BMP6: variants seen among roughly 807,000 people sequenced by gnomAD.
BMP6 encodes the protein VG-1-R.
A neutral mutation model predicts 54.1 loss-of-function variants in BMP6; 17 were observed. That is an observed-to-expected ratio of 0.31 (90% CI 0.22 to 0.47). The LOEUF is 0.47. BMP6 is among the 20% of genes least tolerant of loss of function. BMP6 has a pLI of 1.00. For synonymous variants in BMP6, 328 were observed against 291.2 expected (o/e 1.13, Z -1.28); for missense variants, 720 against 690.4 (o/e 1.04, Z -0.48).
At chr6:7,863,404 A>T (rs1200194455) in intron 4 of BMP6, among the ~76,000 whole-genome samples, 1 of 152,168 alleles carries the variant, frequency 6.6e-6, no homozygotes, top group Non-Finnish European at 1.5e-5. Flanking sequence ...AATTCTTAGT[A>T]AAACTATCTC....
Position 7,727,136 on chromosome 6 carries a change from C to G in BMP6, c.181C>G (p.Gln61Glu). ...GRTEQPPPSP[Q>E]SSSGFLYRRL... ...CACGGAGCAGCCGCCGCCGTCGCCG[C>G]AGTCCTCCTCGGGCTTCCTGTACCG... is the stretch of plus-strand genomic sequence containing the variant. Residue 61 changes from glutamine to glutamate, a missense_variant, in exon 1 of 7, where the codon CAG (glutamine) becomes GAG (glutamate). Physicochemically the swap from Gln to Glu is conservative, Grantham distance 29 (BLOSUM62 2). This residue lies in a region of BMP6 where 650 missense variants were observed against 556.3 expected (regional missense o/e 1.17). Coordinates refer to ENST00000283147, the MANE Select transcript of BMP6 (RefSeq NM_001718.6). The G allele has an allele frequency of 6.4e-7, 1 of 1,554,178 alleles. No homozygotes were observed. The highest frequency in any genetic ancestry group is 8.7e-7 in the Non-Finnish European group (1 of 1,152,852).
At chr6:7,837,490 G>A (rs954753168) in intron 1 of BMP6, among the ~76,000 whole-genome samples, 24 of 152,258 alleles carry the variant, frequency 1.6e-4, no homozygotes, top group African/African-American at 4.8e-4. Flanking sequence ...GTAATAGTTC[G>A]CTGCAACCTG....
intron 1 of BMP6, among the ~76,000 whole-genome samples, chr6:7,777,303 G>A (rs544366628): frequency 1.3e-5 from 2 of 152,206 alleles, no homozygotes; most frequent in South Asian, 2.1e-4. Flanking sequence ...CTTAACAGAC[G>A]TGCACATTCA....
chr6:7,855,028 C>T lies in BMP6; in HGVS notation c.858-6423C>T, dbSNP rs183014481. Reference sequence around the variant, plus strand: ...TCTAATAACACTGATACTTTGGACTCGATCTCACCTGCAGTTCTGTTTATT... The same window carrying T: ...TCTAATAACACTGATACTTTGGACTTGATCTCACCTGCAGTTCTGTTTATT... On this transcript the variant is annotated intron_variant, in intron 2 of 6. Transcript: ENST00000283147. 2.0e-4 allele frequency among the ~76,000 whole-genome samples: 31 copies of T among 152,264 alleles called. 1 individual carries two copies. Among genetic ancestry groups the T allele is most frequent in the East Asian group, 1.4e-3 (7 of 5,182 alleles).
At chr6:7,768,618 T>C (rs145058013) in intron 1 of BMP6, among the ~76,000 whole-genome samples, 1,542 of 152,216 alleles carry the variant, frequency 0.01, 19 homozygotes, top group African/African-American at 0.035. Context: ...TTCTTATTTT[T>C]GCCCCGTTCT....
At chr6:7,808,204 G>A (rs1007417828) in intron 1 of BMP6, among the ~76,000 whole-genome samples, 2 of 152,194 alleles carry the variant, frequency 1.3e-5, no homozygotes, top group African/African-American at 2.4e-5. Context: ...ACAGGCGTGA[G>A]CCACCGCGCC....
chr6:7,822,999 G>A (rs960547927), intron 1 of BMP6, among the ~76,000 whole-genome samples: 2 of 151,532 alleles, frequency 1.3e-5, no homozygotes, highest in Admixed American at 1.3e-4. Context: ...CGAAGTTTCC[G>A]AATATAGAAT....
chr6:7,847,558 G>A (rs1440643995), intron 2 of BMP6, among the ~76,000 whole-genome samples: 1 of 152,196 alleles, frequency 6.6e-6, no homozygotes, highest in African/African-American at 2.4e-5. Flanking sequence ...GAAATTTGTA[G>A]TAGTTGATGG....
intron 1 of BMP6, among the ~76,000 whole-genome samples, chr6:7,822,896 GTTGTGTGTGT>G (rs1404423578): frequency 1.4e-3 from 122 of 85,670 alleles, no homozygotes; most frequent in African/African-American, 8.2e-3. Context: ...ATTGGTGCTG[GTTGTGTGTGT>G]GTGTGTGTGT....
chr6:7,844,256 A>T (rs1378938652), intron 1 of BMP6, among the ~76,000 whole-genome samples: 1 of 152,188 alleles, frequency 6.6e-6, no homozygotes, highest in Non-Finnish European at 1.5e-5. Flanking sequence ...GCATTTATGC[A>T]CATACCACGT....
At position 7,727,238 on chromosome 6, in the gene BMP6, C is replaced by T. The variant is rs199518216; in HGVS notation, c.283C>T (p.Pro95Ser). The change falls in exon 1 of 7, where the codon CCC (proline) becomes TCC (serine). Residue 95 changes from proline to serine, a missense_variant. By Grantham distance (74) the Pro-to-Ser change is moderately conservative. Transcript: ENST00000283147. ...GCTGGGGCTCCCGCACCGGCCCCGG[C>T]CCCTGCACGGCCTCCAACAGCCGCA... ...SVLGLPHRPR[P>S]LHGLQQPQPP... The T allele has an allele frequency of 3.3e-4, 526 of 1,606,518 alleles. 1 individual carries two copies. Among genetic ancestry groups the T allele is most frequent in the Middle Eastern group, 6.7e-4 (4 of 6,000 alleles).
At chr6:7,876,668 C>G (rs762868267) in intron 4 of BMP6, among the ~76,000 whole-genome samples, 1 of 152,142 alleles carries the variant, frequency 6.6e-6, no homozygotes, top group Non-Finnish European at 1.5e-5. Flanking sequence ...TCTGTTTAAT[C>G]TGTTAATTAG....
At chr6:7,778,319 C>T (rs945283968) in intron 1 of BMP6, among the ~76,000 whole-genome samples, 4 of 152,212 alleles carry the variant, frequency 2.6e-5, no homozygotes, top group Admixed American at 1.3e-4. Context: ...TTCCAAACAT[C>T]GTACTCTGTT....
intron 1 of BMP6, among the ~76,000 whole-genome samples, chr6:7,735,590 T>G (rs970731387): frequency 9.4e-5 from 14 of 149,280 alleles, no homozygotes; most frequent in African/African-American, 2.0e-4. Flanking sequence ...AAAGAGAGGG[T>G]TTTTTTTTAA....
intron 2 of BMP6, among the ~76,000 whole-genome samples, chr6:7,859,875 T>C (rs1167950884): frequency 1.7e-4 from 26 of 151,982 alleles, no homozygotes; most frequent in Admixed American, 1.7e-3. Context: ...AAGACGACAA[T>C]AGAGTTCCCT....
intron 4 of BMP6, among the ~76,000 whole-genome samples, chr6:7,865,474 C>T (rs1055465611): frequency 1.3e-5 from 2 of 152,172 alleles, no homozygotes; most frequent in African/African-American, 4.8e-5. Flanking sequence ...ATGTCTGGCC[C>T]ACTGAAGCGC....
At chr6:7,775,845 A>G (rs923238101) in intron 1 of BMP6, among the ~76,000 whole-genome samples, 2 of 152,208 alleles carry the variant, frequency 1.3e-5, no homozygotes, top group Non-Finnish European at 2.9e-5. Context: ...CTGTGATTCC[A>G]AAACTAAACA....
chr6:7,856,610 T>TGTTTTTGTTTTTG (rs1554125395), intron 2 of BMP6, among the ~76,000 whole-genome samples: 7 of 122,202 alleles, frequency 5.7e-5, no homozygotes, highest in East Asian at 3.4e-4. Flanking sequence ...TTTTTTTTTT[T>TGTTTTTGTTTTTG]TTTTGAGACG....
rs781135443 is a variant in BMP6, at chr6:7,862,389, G to C, written c.1095G>C (p.Val365=). Residue 365 remains valine (V), a synonymous_variant, in exon 4 of 7, where the codon GTG becomes GTC. Coordinates refer to ENST00000283147, the MANE Select transcript of BMP6 (RefSeq NM_001718.6). ...CCTTCATGGTGGCTTTCTTCAAAGT[G>C]AGTGAGGTGCACGTGCGCACCACCA... The part of the protein sequence containing the change: ...KQPFMVAFFK[V]SEVHVRTTRS... The C allele has an allele frequency of 6.2e-7, 1 of 1,614,180 alleles. No homozygotes were observed. Among genetic ancestry groups the C allele is most frequent in the Non-Finnish European group, 8.5e-7 (1 of 1,180,016 alleles).
Sources: gnomAD v4.1 joint callset for allele counts (sites outside exome capture counted in the v4.1 genomes callset) on GRCh38, gnomAD v4.1.1 for gene constraint, gnomAD v4.1.1 regional missense constraint, MANE v1.5 for transcripts, NCBI Gene and HGNC (gene_info 2026-07-23, HGNC 2026-07-21) for gene names.